Variants in RAB3GAP2 observed in about 807,000 individuals in gnomAD.
RAB3GAP2 encodes RAB3 GTPase activating non-catalytic protein subunit 2.
RAB3GAP2 carries 87 observed loss-of-function variants against 185.3 expected under a neutral mutation model. The observed-to-expected ratio is 0.47, with a 90% CI of 0.39 to 0.56. The LOEUF is 0.56. RAB3GAP2 is among the 20% of genes least tolerant of loss of function. RAB3GAP2 has a pLI of 0.00. For missense variants in RAB3GAP2, 1,492 were observed against 1,638.2 expected, an observed-to-expected ratio of 0.91 and a Z score of 1.54; for synonymous variants, 554 against 576.1, an observed-to-expected ratio of 0.96 and a Z score of 0.55.
chr1:220,187,117 A>ATCAC (rs1466327369), intron 17 of RAB3GAP2, among the ~76,000 whole-genome samples: 4 of 151,456 alleles, frequency 2.6e-5, no homozygotes, highest in Non-Finnish European at 4.4e-5. Flanking sequence ...TCTCCCATGT[A>ATCAC]TCACTATTCA....
At chr1:220,159,085 T>C (rs895468801) in intron 29 of RAB3GAP2, among the ~76,000 whole-genome samples, 4 of 152,232 alleles carry the variant, frequency 2.6e-5, no homozygotes, top group Non-Finnish European at 5.9e-5. Flanking sequence ...GCTTCCATTA[T>C]AAATGTCTAA....
intron 22 of RAB3GAP2, 143 bp from the exon 23 acceptor site, chr1:220,172,192 C>T: frequency 2.5e-6 from 2 of 785,752 alleles, no homozygotes; most frequent in South Asian, 1.6e-5. Context: ...GTCTAACAAT[C>T]TATTTTATTC....
intron 1 of RAB3GAP2, among the ~76,000 whole-genome samples, chr1:220,235,247 A>G (rs1659570393): frequency 6.6e-6 from 1 of 152,198 alleles, no homozygotes; most frequent in Non-Finnish European, 1.5e-5. Flanking sequence ...AACTTGGAAA[A>G]TTAGCTTGTT....
intron 1 of RAB3GAP2, chr1:220,266,716 G>A (rs1414488906): frequency 1.3e-6 from 2 of 1,576,294 alleles, no homozygotes; most frequent in Admixed American, 3.3e-5. Context: ...AAGAATACTT[G>A]CTAGTTGATT....
intron 12 of RAB3GAP2, among the ~76,000 whole-genome samples, chr1:220,194,854 A>C (rs545960586): frequency 1.3e-5 from 2 of 152,382 alleles, no homozygotes; most frequent in African/African-American, 4.8e-5. Context: ...CAAGAAATAC[A>C]TCTTGAATAC....
intron 21 of RAB3GAP2, among the ~76,000 whole-genome samples, chr1:220,174,253 C>CAT (rs1266149777): frequency 2.6e-5 from 4 of 151,974 alleles, no homozygotes; most frequent in African/African-American, 9.7e-5. Context: ...CGAAACCACA[C>CAT]ATATATACAC....
At chr1:220,241,307 A>G (rs968124636) in intron 1 of RAB3GAP2, among the ~76,000 whole-genome samples, 1 of 152,112 alleles carries the variant, frequency 6.6e-6, no homozygotes, top group African/African-American at 2.4e-5. Flanking sequence ...GCTTTTTCCA[A>G]TATGAGTATG....
intron 24 of RAB3GAP2, among the ~76,000 whole-genome samples, chr1:220,168,300 G>A (rs1031332795): frequency 1.3e-5 from 2 of 151,980 alleles, no homozygotes; most frequent in Non-Finnish European, 2.9e-5. Context: ...CCATGTTGGC[G>A]AGGCTGGTCT....
intron 21 of RAB3GAP2, among the ~76,000 whole-genome samples, chr1:220,175,287 C>T (rs1373982610): frequency 1.3e-5 from 2 of 151,670 alleles, no homozygotes; most frequent in African/African-American, 2.4e-5. Context: ...AGTGCAGTGG[C>T]GCGATCTTGG....
intron 1 of RAB3GAP2, among the ~76,000 whole-genome samples, chr1:220,255,082 T>C (rs1042767456): frequency 6.6e-6 from 1 of 152,110 alleles, no homozygotes; most frequent in Non-Finnish European, 1.5e-5. Context: ...GTTTTTGTAT[T>C]TGTGTCTAAT....
At position 220,242,810 on chromosome 1, in the gene RAB3GAP2, A is replaced by C. The variant is rs565687225; in HGVS notation, c.116-9947T>G. Among the ~76,000 whole-genome samples, 70 of 152,338 alleles carry C rather than the reference A, an allele frequency of 4.6e-4. 1 individual carries two copies. The highest frequency in any genetic ancestry group is 1.6e-3 in the African/African-American group (66 of 41,594). On this transcript the variant is annotated intron_variant, in intron 1 of 34. Transcript: ENST00000358951. The stretch of plus-strand genomic sequence containing the variant: ...ATTTTTCCAAACAGAAGATCCAAAA[A>C]TACAAAGTTTTTTGGGCAATCTGAA...
At chr1:220,200,365 T>C (rs998891841) in intron 9 of RAB3GAP2, among the ~76,000 whole-genome samples, 1 of 152,176 alleles carries the variant, frequency 6.6e-6, no homozygotes, top group Non-Finnish European at 1.5e-5. Flanking sequence ...CACTAAGAGT[T>C]TGATATTCAT....
At chr1:220,176,654 G>GTTGC (rs1190276784) in intron 21 of RAB3GAP2, among the ~76,000 whole-genome samples, 17 of 152,170 alleles carry the variant, frequency 1.1e-4, no homozygotes, top group Non-Finnish European at 1.8e-4. Flanking sequence ...CCAGCTCAGA[G>GTTGC]TTGCTTGCAT....
chr1:220,254,162 CA>C (rs1234263970), intron 1 of RAB3GAP2: 54 of 1,613,442 alleles, frequency 3.3e-5, no homozygotes, highest in Non-Finnish European at 4.1e-5. Context: ...GAGGATTATG[CA>C]AATTACAAGA....
At chr1:220,178,156 A>G (rs903351074) in intron 21 of RAB3GAP2, among the ~76,000 whole-genome samples, 3 of 152,206 alleles carry the variant, frequency 2.0e-5, no homozygotes, top group African/African-American at 7.2e-5. Context: ...AGAGTGTTAA[A>G]GGAAAAAAAC....
chr1:220,249,780 T>G (rs1422237973), intron 1 of RAB3GAP2, among the ~76,000 whole-genome samples: 1 of 152,030 alleles, frequency 6.6e-6, no homozygotes, highest in Non-Finnish European at 1.5e-5. Context: ...CTAAAAGGGG[T>G]CAACATATAG....
intron 1 of RAB3GAP2, chr1:220,266,967 A>T: frequency 6.2e-7 from 1 of 1,604,890 alleles, no homozygotes; most frequent in Admixed American, 1.7e-5. Flanking sequence ...CACAGCAAAG[A>T]ACTCCAAGGC....
intron 28 of RAB3GAP2, among the ~76,000 whole-genome samples, chr1:220,161,454 G>GC (rs1657962505): frequency 6.6e-6 from 1 of 152,192 alleles, no homozygotes; most frequent in Non-Finnish European, 1.5e-5. Context: ...TGGCCACTCA[G>GC]CTGGAGGCTA....
At chr1:220,244,148 C>CA (rs1659754616) in intron 1 of RAB3GAP2, among the ~76,000 whole-genome samples, 1 of 152,002 alleles carries the variant, frequency 6.6e-6, no homozygotes, top group African/African-American at 2.4e-5. Flanking sequence ...TATGATCGTA[C>CA]AAAAAATCCT....
Sources: allele counts gnomAD v4.1 joint callset (sites outside exome capture counted in the v4.1 genomes callset), GRCh38; gene constraint gnomAD v4.1.1; transcripts MANE v1.5; gene names NCBI Gene and HGNC (gene_info 2026-07-23, HGNC 2026-07-21).